GSN: variants seen among roughly 807,000 people sequenced by gnomAD.
GSN encodes actin-depolymerizing factor.
Under a neutral mutation model 85.7 loss-of-function variants are expected in GSN, and 56 were observed. The ratio of observed to expected loss-of-function variants is 0.65; its 90% CI spans 0.53 to 0.82. GSN has a LOEUF of 0.82. Ranked by LOEUF, GSN falls within the 40% of genes least tolerant of loss-of-function variation. The pLI is 0.00. For synonymous variants in GSN, 373 were observed against 399.1 expected, an observed-to-expected ratio of 0.93 and a Z score of 0.78; for missense variants, 857 against 979.8, an observed-to-expected ratio of 0.87 and a Z score of 1.67.
chr9:121,262,248 A>G (rs773394947), intron 6 of GSN, among the ~76,000 whole-genome samples: 2 of 152,226 alleles, frequency 1.3e-5, no homozygotes, highest in African/African-American at 4.8e-5. Flanking sequence ...CACTCTGGCT[A>G]TAGAAAGAAT....
chr9:121,209,787 T>C (rs532746409), intron 2 of GSN, among the ~76,000 whole-genome samples: 2 of 152,308 alleles, frequency 1.3e-5, no homozygotes, highest in African/African-American at 4.8e-5. Context: ...CTGAAAGCAG[T>C]TTCCCCAAGT....
chr9:121,243,246 C>T (rs1299196182), intron 5 of GSN, among the ~76,000 whole-genome samples: 7 of 152,176 alleles, frequency 4.6e-5, no homozygotes, highest in Non-Finnish European at 7.3e-5. Context: ...GTAGCATCTT[C>T]GGATCTCTGT....
At chr9:121,302,202 C>T in intron 3 of GSN, 35 bp downstream of exon 3, 7 of 1,610,754 alleles carry the variant, frequency 4.3e-6, no homozygotes, top group Non-Finnish European at 5.1e-6. Flanking sequence ...TGCCCCAGCC[C>T]CCATTCTGAA....
intron 1 of GSN, among the ~76,000 whole-genome samples, chr9:121,269,019 A>T (rs2055503143): frequency 6.6e-6 from 1 of 152,060 alleles, no homozygotes; most frequent in Non-Finnish European, 1.5e-5. Context: ...CTTTCTTCCT[A>T]GCTCCTTGTC....
chr9:121,321,196 C>A, intron 10 of GSN, 72 bp from the exon 11 acceptor site: 4 of 1,538,952 alleles, frequency 2.6e-6, no homozygotes, highest in Non-Finnish European at 3.6e-6. Flanking sequence ...TACCACACTG[C>A]GGTTTCCTGG....
intron 1 of GSN, chr9:121,280,630 A>AATT (rs2057253875): frequency 6.6e-6 from 1 of 152,230 alleles, no homozygotes. Flanking sequence ...TTAGAAATTT[A>AATT]ATTATTAATA....
At chr9:121,246,705 C>T (rs1346012349) in intron 5 of GSN, among the ~76,000 whole-genome samples, 1 of 152,174 alleles carries the variant, frequency 6.6e-6, no homozygotes, top group Non-Finnish European at 1.5e-5. Context: ...TATCACCACC[C>T]TCTCATTGCA....
chr9:121,206,306 A>G (rs959493449), upstream of GSN, among the ~76,000 whole-genome samples: 14 of 152,196 alleles, frequency 9.2e-5, no homozygotes, highest in African/African-American at 2.9e-4. Flanking sequence ...ATTAACCAAA[A>G]CAGAAACAGC....
chr9:121,260,626 A>G (rs778764991), intron 6 of GSN, among the ~76,000 whole-genome samples: 2 of 152,120 alleles, frequency 1.3e-5, no homozygotes, highest in Non-Finnish European at 2.9e-5. Flanking sequence ...TCTCTCTTGG[A>G]GTTACTTTGT....
intron 2 of GSN, among the ~76,000 whole-genome samples, chr9:121,297,093 A>C (rs1212541179): frequency 6.6e-6 from 1 of 152,234 alleles, no homozygotes; most frequent in Non-Finnish European, 1.5e-5. Flanking sequence ...GGGGCTGGGC[A>C]GCTAAGAAAA....
chr9:121,228,128 T>A (rs2054305244), intron 4 of GSN, among the ~76,000 whole-genome samples: 1 of 152,046 alleles, frequency 6.6e-6, no homozygotes, highest in Non-Finnish European at 1.5e-5. Context: ...CCATCTCTGA[T>A]ATTTATCCTG....
At chr9:121,221,484 C>G (rs1165179588) in intron 4 of GSN, among the ~76,000 whole-genome samples, 1 of 152,218 alleles carries the variant, frequency 6.6e-6, no homozygotes, top group Admixed American at 6.5e-5. Flanking sequence ...CTCTCCTGTT[C>G]TAGCGTGCCA....
intron 2 of GSN, 52 bp from the exon 3 acceptor site, chr9:121,301,909 GTC>G (rs1365227259): frequency 6.2e-7 from 1 of 1,612,526 alleles, no homozygotes; most frequent in African/African-American, 1.3e-5. Context: ...CATGCCTGGG[GTC>G]TCTCCCTGCC....
rs536848648 is a variant in GSN at position 121,269,417 on chromosome 9, A to G, written c.-103+1198A>G. ...TGAGGCAGGGTAGGGCTGAGACCCAATTCCGGTCTGCCGTTTGCGGACTCC... is the reference window on the plus strand; with the variant it reads ...TGAGGCAGGGTAGGGCTGAGACCCAGTTCCGGTCTGCCGTTTGCGGACTCC... On this transcript the variant is annotated intron_variant, in intron 1 of 17. Coordinates refer to ENST00000432226, the MANE Select transcript of GSN (RefSeq NM_198252.3). Among the ~76,000 whole-genome samples the G allele has an allele frequency of 2.0e-5, 3 of 152,270 alleles. No homozygotes were observed. In the South Asian group the frequency reaches 6.2e-4, roughly 32 times the overall value.
rs1589193990 is a variant in GSN at position 121,324,635 on chromosome 9, C to T, written c.1407C>T (p.Thr469=). Residue 469 remains threonine (T), a synonymous_variant, in exon 12 of 18, where the codon ACC becomes ACT. Transcript: ENST00000432226. ...AGCTGGATGAGGAGCTGGGAGGTAC[C>T]CCTGTCCAGGTGAGCCCAGCCCACC... is the stretch of plus-strand genomic sequence containing the variant. ...TAQLDEELGG[T]PVQSRVVQGK... The T allele has an allele frequency of 3.9e-6, 6 of 1,527,760 alleles. No homozygotes were observed. Among genetic ancestry groups the T allele is most frequent in the Non-Finnish European group, 5.3e-6 (6 of 1,128,120 alleles). The allele number at this position is 1,527,760 out of a possible 1,614,324, so 94.6% of individuals were successfully genotyped here.
chr9:121,317,181 G>A lies in GSN; in HGVS notation c.849G>A (p.Leu283=). Residue 283 remains leucine, a synonymous_variant, in exon 8 of 18, where the codon CTG becomes CTA. Coordinates refer to ENST00000432226, the MANE Select transcript of GSN (RefSeq NM_198252.3). ...TGAAGTCAGAGGACTGCTTCATCCT[G>A]GACCACGGCAAAGATGGGAAAATCT... The part of the protein sequence containing the change: ...GALKSEDCFI[L]DHGKDGKIFV... 1.2e-6 allele frequency: 2 copies of A among 1,614,170 alleles called. No individual in the cohort carries two copies. The highest frequency in any genetic ancestry group is 2.7e-5 in the African/African-American group (2 of 75,052).
rs186881548 is a variant in GSN at position 121,322,817 on chromosome 9, G to C, written c.1325+1416G>C. Among the ~76,000 whole-genome samples, 3 of 145,910 alleles carry C rather than the reference G, an allele frequency of 2.1e-5. No homozygotes were observed. In the East Asian group the frequency reaches 6.2e-4, roughly 30 times the overall value. ...CTATACAGTCTAAAACTTTTTGTCT[G>C]ATTATTGACTGTTGGATTTTTTTTT... is the stretch of plus-strand genomic sequence containing the variant. On this transcript the variant is annotated intron_variant, in intron 11 of 17. Transcript: ENST00000432226.
intron 12 of GSN, among the ~76,000 whole-genome samples, 197 bp from the exon 13 acceptor site, chr9:121,326,315 G>T (rs1482460752): frequency 6.6e-6 from 1 of 151,938 alleles, no homozygotes; most frequent in Non-Finnish European, 1.5e-5. Context: ...GCAGTGCCCT[G>T]GGGACCTCAG....
At chr9:121,269,039 A>G (rs1324036367) in intron 1 of GSN, among the ~76,000 whole-genome samples, 1 of 152,198 alleles carries the variant, frequency 6.6e-6, no homozygotes, top group Admixed American at 6.5e-5. Flanking sequence ...CTGCCCAGAC[A>G]TCTGTCGCTT....
Sources: gnomAD v4.1 joint callset for allele counts (sites outside exome capture counted in the v4.1 genomes callset) on GRCh38, gnomAD v4.1.1 for gene constraint, MANE v1.5 for transcripts, NCBI Gene and HGNC (gene_info 2026-07-23, HGNC 2026-07-21) for gene names.